The following BEND5 variants were observed in gnomAD, a reference collection of about 807,000 sequenced individuals.
BEND5 encodes the protein BEN domain containing 5, also known as BEN domain-containing protein 5.
BEND5 carries 22 observed loss-of-function variants against 43.9 expected under a neutral mutation model. The ratio of observed to expected loss-of-function variants is 0.50; its 90% CI spans 0.36 to 0.72. BEND5 has a LOEUF of 0.72. BEND5 is among the 30% of genes least tolerant of loss of function. The pLI is 0.00. For missense variants in BEND5, 428 were observed against 550.6 expected (o/e 0.78, Z 2.23); for synonymous variants, 228 against 225.9 (o/e 1.01, Z -0.08).
intron 1 of BEND5, among the ~76,000 whole-genome samples, chr1:48,771,797 G>T (rs1644849296): frequency 6.6e-6 from 1 of 152,178 alleles, no homozygotes; most frequent in Non-Finnish European, 1.5e-5. Context: ...ACAATGCCAA[G>T]CTGGGACCTG....
At chr1:48,732,772 C>T (rs1473141912) in intron 5 of BEND5, among the ~76,000 whole-genome samples, 1 of 152,126 alleles carries the variant, frequency 6.6e-6, no homozygotes, top group Non-Finnish European at 1.5e-5. Context: ...AAGTCAAGGG[C>T]ACACTGAAGG....
chr1:48,729,971 C>T (rs1048656921), intron 5 of BEND5, among the ~76,000 whole-genome samples: 1 of 152,116 alleles, frequency 6.6e-6, no homozygotes, highest in South Asian at 2.1e-4. Context: ...TCAACCTATT[C>T]CACCTGTCAG....
chr1:48,743,029 G>T (rs932190681), intron 3 of BEND5, among the ~76,000 whole-genome samples: 17 of 152,308 alleles, frequency 1.1e-4, no homozygotes, highest in Non-Finnish European at 2.1e-4. Flanking sequence ...GGGTGTCATT[G>T]TCTAAATGGA....
At chr1:48,743,379 A>C (rs1051201708) in intron 3 of BEND5, among the ~76,000 whole-genome samples, 3 of 152,240 alleles carry the variant, frequency 2.0e-5, no homozygotes, top group African/African-American at 7.2e-5. Context: ...TTTAAACAGC[A>C]AAAAGGAAGC....
intron 3 of BEND5, among the ~76,000 whole-genome samples, chr1:48,756,862 T>A (rs561792213): frequency 7.2e-5 from 11 of 152,194 alleles, no homozygotes; most frequent in African/African-American, 2.2e-4. Flanking sequence ...TTATGTTGAG[T>A]CCAACCCATT....
chr1:48,755,432 T>A (rs1024188822), intron 3 of BEND5, among the ~76,000 whole-genome samples: 7 of 152,216 alleles, frequency 4.6e-5, no homozygotes, highest in African/African-American at 1.7e-4. Context: ...GACAAAGGCC[T>A]TTGAGCTAGG....
Position 48,776,637 on chromosome 1 carries a change from C to A in BEND5, c.195G>T (p.Leu65Phe). 6.8e-7 allele frequency: 1 copy of A among 1,480,710 alleles called. No individual in the cohort carries two copies. Among genetic ancestry groups the A allele is most frequent in the Non-Finnish European group, 8.9e-7 (1 of 1,120,292 alleles). 91.7% of individuals were successfully genotyped at this position (1,480,710 alleles called of 1,614,324 possible). The change falls in exon 1 of 6, where the codon TTG becomes TTT. Residue 65 changes from leucine (L) to phenylalanine (F), a missense_variant. Transcript: ENST00000371833. ...PRAPRDWGAL[L>F]LHKAQILALA... is the part of the protein sequence containing the mutation. ...GCGCCAGGATCTGGGCCTTGTGGAG[C>A]AACAGCGCGCCCCAGTCGCGGGGGG...
intron 3 of BEND5, among the ~76,000 whole-genome samples, chr1:48,749,211 G>A (rs1651259759): frequency 6.6e-6 from 1 of 152,144 alleles, no homozygotes; most frequent in African/African-American, 2.4e-5. Flanking sequence ...TCTTTGTTAA[G>A]TATCTTATAT....
At chr1:48,765,839 T>C (rs902592856) in intron 1 of BEND5, among the ~76,000 whole-genome samples, 4 of 152,232 alleles carry the variant, frequency 2.6e-5, no homozygotes, top group Non-Finnish European at 5.9e-5. Flanking sequence ...TGATTTCATT[T>C]ATATGAAATG....
At chr1:48,753,580 G>A (rs917866027) in intron 3 of BEND5, among the ~76,000 whole-genome samples, 3 of 152,210 alleles carry the variant, frequency 2.0e-5, no homozygotes, top group African/African-American at 7.2e-5. Flanking sequence ...AGAGGTATTA[G>A]TGATCCAGCT....
chr1:48,765,494 G>C (rs1644486260), intron 1 of BEND5, among the ~76,000 whole-genome samples: 1 of 152,228 alleles, frequency 6.6e-6, no homozygotes, highest in African/African-American at 2.4e-5. Flanking sequence ...AGCCATAGTA[G>C]AGAACATTAT....
At chr1:48,731,093 G>A (rs900156266) in intron 5 of BEND5, among the ~76,000 whole-genome samples, 1 of 152,062 alleles carries the variant, frequency 6.6e-6, no homozygotes, top group African/African-American at 2.4e-5. Context: ...TTTTTTATAT[G>A]GCAAATGTGA....
rs574080223 is a variant in BEND5, at chr1:48,764,877, C to A, written c.227-3407G>T. On this transcript the variant is annotated intron_variant, in intron 1 of 5. Coordinates refer to ENST00000371833, the MANE Select transcript of BEND5 (RefSeq NM_024603.4). The stretch of plus-strand genomic sequence containing the variant: ...GAGCTCAGCAAGGACTGCCTGCTGG[C>A]TTCTGCTGGCTTGGGGCTTGGGGCA... Among the ~76,000 whole-genome samples, 15 of 152,318 alleles carry A rather than the reference C, an allele frequency of 9.8e-5. No homozygotes were observed. The South Asian group carries it at 2.9e-3, about 29-fold the overall frequency.
intron 5 of BEND5, among the ~76,000 whole-genome samples, chr1:48,734,227 A>G (rs1162080862): frequency 6.6e-6 from 1 of 152,220 alleles, no homozygotes; most frequent in African/African-American, 2.4e-5. Context: ...GCTATGTTAC[A>G]GCAGAACAAG....
intron 1 of BEND5, among the ~76,000 whole-genome samples, chr1:48,771,642 T>A (rs913050769): frequency 6.6e-5 from 10 of 152,204 alleles, no homozygotes; most frequent in African/African-American, 1.9e-4. Flanking sequence ...ACTCACTTTT[T>A]TCAAGAAAAT....
chr1:48,758,556 ACTATCCT>A (rs1349930983), intron 3 of BEND5, among the ~76,000 whole-genome samples: 2 of 152,168 alleles, frequency 1.3e-5, no homozygotes, highest in Non-Finnish European at 2.9e-5. Flanking sequence ...ACTTCTTTTT[ACTATCCT>A]GAAACCTCCT....
chr1:48,776,807 C>A lies in BEND5; in HGVS notation c.25G>T (p.Glu9Ter). Residue 9 changes from glutamate to a stop codon, truncating the protein, a stop_gained, in exon 1 of 6, where the codon GAG (glutamate) becomes TAG (stop). Transcript: ENST00000371833. LOFTEE classifies it high-confidence loss of function. MYAFVRFL[E>*]DNVCYALPVS... is the part of the protein sequence containing the mutation. ...GGCAGCGCGTAGCAGACGTTGTCCT[C>A]CAGGAACCGCACAAAGGCGTACATG... 4 of 1,522,520 alleles carry A rather than the reference C, an allele frequency of 2.6e-6. No homozygotes were observed. The highest frequency in any genetic ancestry group is 1.8e-6 in the Non-Finnish European group (2 of 1,135,890). 94.3% of individuals were successfully genotyped at this position (1,522,520 alleles called of 1,614,324 possible). A position where few individuals can be genotyped will look rare whatever the true frequency, so the allele number is the denominator to read the frequency against.
intron 1 of BEND5, among the ~76,000 whole-genome samples, chr1:48,766,472 C>T (rs896565909): frequency 6.6e-5 from 10 of 152,212 alleles, no homozygotes; most frequent in African/African-American, 2.4e-4. Context: ...CACTTTCTTG[C>T]CAGACCACGT....
At chr1:48,769,569 AC>A (rs375699679) in intron 1 of BEND5, among the ~76,000 whole-genome samples, 1,570 of 129,736 alleles carry the variant, frequency 0.012, 20 homozygotes, top group African/African-American at 0.039. Flanking sequence ...ACACACACAC[AC>A]AAGTTAAATT....
Sources: allele counts gnomAD v4.1 joint callset (sites outside exome capture counted in the v4.1 genomes callset), GRCh38; gene constraint gnomAD v4.1.1; transcripts MANE v1.5; gene names NCBI Gene and HGNC (gene_info 2026-07-23, HGNC 2026-07-21).